Variants in TTC13 observed in about 807,000 individuals in gnomAD.
The protein encoded by TTC13 is tetratricopeptide repeat domain 13.
A neutral mutation model predicts 120.0 loss-of-function variants in TTC13; 62 were observed. The observed-to-expected ratio is 0.52, with a 90% CI of 0.42 to 0.64. The LOEUF (loss-of-function observed/expected upper bound fraction) is 0.64. Ranked by LOEUF, TTC13 falls within the 30% of genes least tolerant of loss-of-function variation. The pLI, the probability that TTC13 is intolerant of heterozygous loss-of-function variation, is 0.00. For missense variants in TTC13, 824 were observed against 1,050.2 expected (o/e 0.78, Z 2.98); for synonymous variants, 384 against 393.5 (o/e 0.98, Z 0.28).
intron 1 of TTC13, among the ~76,000 whole-genome samples, chr1:230,965,324 T>A (rs1358475238): frequency 6.6e-6 from 1 of 152,178 alleles, no homozygotes; most frequent in Non-Finnish European, 1.5e-5. Context: ...AAGATTTGAA[T>A]AGACATTTCT....
intron 17 of TTC13, among the ~76,000 whole-genome samples, chr1:230,919,325 C>T (rs1210707917): frequency 2.0e-5 from 3 of 151,956 alleles, no homozygotes; most frequent in South Asian, 2.1e-4. Context: ...AAGGTGCCAG[C>T]GTCTGATGTG....
chr1:230,947,302 G>T (rs1675091543), intron 4 of TTC13, among the ~76,000 whole-genome samples: 1 of 151,958 alleles, frequency 6.6e-6, no homozygotes, highest in South Asian at 2.1e-4. Flanking sequence ...GGGGAAAAGG[G>T]GAGCAGGAAA....
At chr1:230,951,189 T>C (rs1237466759) in intron 4 of TTC13, among the ~76,000 whole-genome samples, 2 of 152,206 alleles carry the variant, frequency 1.3e-5, no homozygotes, top group African/African-American at 2.4e-5. Context: ...AAGAGCTTTA[T>C]ATCAAAAAGT....
chr1:230,908,920 C>T (rs932795564), intron 21 of TTC13, 22 bp downstream of exon 21: 2 of 1,613,540 alleles, frequency 1.2e-6, no homozygotes, highest in Non-Finnish European at 1.7e-6. Context: ...CCAAGCATTT[C>T]TCCCTTCCCG....
intron 1 of TTC13, among the ~76,000 whole-genome samples, chr1:230,974,626 C>T (rs1158573732): frequency 2.0e-5 from 3 of 152,154 alleles, no homozygotes; most frequent in Non-Finnish European, 4.4e-5. Flanking sequence ...ATGATGAAAT[C>T]GCCTAACGAC....
chr1:230,928,967 T>C lies in TTC13; in HGVS notation c.1427A>G (p.Glu476Gly). The change falls in exon 12 of 23, where the codon GAA becomes GGA. Residue 476 changes from glutamate to glycine, a missense_variant. Transcript: ENST00000366661. ...GTGGGGTTGCAACCCTGGCTGCTCT[T>C]CGTAGTCTTCTATGAGGAAAGGCAA... ...KNLPFLIEDY[E>G]EQPGLQPHIK... The C allele has an allele frequency of 6.2e-7, 1 of 1,614,144 alleles. No homozygotes were observed. The highest frequency in any genetic ancestry group is 1.3e-5 in the African/African-American group (1 of 75,040).
chr1:230,906,977 C>T lies in TTC13; in HGVS notation c.2511G>A (p.Thr837=), dbSNP rs746463766. Residue 837 remains threonine (T), a synonymous_variant, in exon 23 of 23, where the codon ACG becomes ACA. Coordinates refer to ENST00000366661, the MANE Select transcript of TTC13 (RefSeq NM_024525.5). ...CAATCATCGATCTTAACGTTGGAAA[C>T]GTTTCTGATACTGATGGAAGAGTCT... ...SYKTLPSVSE[T]FPTLRSMIEV... is the part of the protein sequence containing the mutation. The T allele has an allele frequency of 3.4e-5, 52 of 1,541,044 alleles. 1 individual carries two copies. Among genetic ancestry groups the T allele is most frequent in the African/African-American group, 1.0e-4 (7 of 69,682 alleles).
chr1:230,920,792 G>C (rs1672509165), intron 16 of TTC13, among the ~76,000 whole-genome samples, 198 bp from the exon 17 acceptor site: 1 of 152,134 alleles, frequency 6.6e-6, no homozygotes, highest in South Asian at 2.1e-4. Flanking sequence ...TGAAAATTAA[G>C]GAAACAGCAG....
chr1:230,926,435 A>G (rs1360928311), intron 12 of TTC13, among the ~76,000 whole-genome samples: 1 of 152,220 alleles, frequency 6.6e-6, no homozygotes, highest in African/African-American at 2.4e-5. Context: ...GGCCAGGGTT[A>G]CAGACAACTT....
chr1:230,958,957 T>C (rs1348166940), intron 2 of TTC13, among the ~76,000 whole-genome samples: 1 of 152,218 alleles, frequency 6.6e-6, no homozygotes, highest in Non-Finnish European at 1.5e-5. Flanking sequence ...ATTGTGCCAC[T>C]GTACCCCCAG....
At chr1:230,909,846 T>A (rs1019366307) in intron 20 of TTC13, among the ~76,000 whole-genome samples, 2 of 152,144 alleles carry the variant, frequency 1.3e-5, no homozygotes, top group African/African-American at 4.8e-5. Flanking sequence ...GGGCAAGGTC[T>A]GCTGCCCTGT....
At chr1:230,955,715 C>T (rs774437769) in intron 3 of TTC13, among the ~76,000 whole-genome samples, 4 of 147,270 alleles carry the variant, frequency 2.7e-5, no homozygotes, top group Non-Finnish European at 6.0e-5. Context: ...GAAACAGAAA[C>T]GAAATGCAGG....
At chr1:230,924,643 A>G (rs1672895852) in intron 14 of TTC13, among the ~76,000 whole-genome samples, 198 bp downstream of exon 14, 1 of 152,198 alleles carries the variant, frequency 6.6e-6, no homozygotes, top group Admixed American at 6.5e-5. Context: ...ATCAATTCCT[A>G]TTTTGAAAAT....
intron 8 of TTC13, among the ~76,000 whole-genome samples, chr1:230,936,915 T>C (rs1674109563): frequency 6.6e-6 from 1 of 152,234 alleles, no homozygotes; most frequent in Admixed American, 6.5e-5. Flanking sequence ...ACTCCTTCTA[T>C]ACCTCATGGA....
Position 230,940,210 on chromosome 1 carries a change from C to T in TTC13, c.789+230G>A, listed in dbSNP as rs1230878623. Among the ~76,000 whole-genome samples the T allele has an allele frequency of 2.0e-5, 3 of 152,174 alleles. No individual in the cohort carries two copies. The highest frequency in any genetic ancestry group is 7.2e-5 in the African/African-American group (3 of 41,498). ...ATCTTTCTCTCTCTTTTTTTAAATG[C>T]CAGTCCAGAATTAGTTATTGCTGAC... On this transcript the variant is annotated intron_variant, in intron 7 of 22. Coordinates refer to ENST00000366661, the MANE Select transcript of TTC13 (RefSeq NM_024525.5). The surrounding 1 kb of genome is among the most constrained non-coding windows in gnomAD (Gnocchi z 4.1).
chr1:230,906,858 A>C lies in TTC13; in HGVS notation c.*47T>G. ...ATTCCATGTTTTAAAAAATAACTTA[A>C]GAAGCAAGAGGTCCGGCCCTTTACT... On this transcript the variant is annotated 3_prime_UTR_variant, in exon 23 of 23. Coordinates refer to ENST00000366661, the MANE Select transcript of TTC13 (RefSeq NM_024525.5). 1.1e-6 allele frequency: 1 copy of C among 906,276 alleles called. No homozygotes were observed. Among genetic ancestry groups the C allele is most frequent in the Non-Finnish European group, 1.6e-6 (1 of 636,144 alleles). The allele number at this position is 906,276 out of a possible 1,614,324, so 56.1% of individuals were successfully genotyped here.
chr1:230,923,318 A>G (rs1019583489), intron 15 of TTC13, among the ~76,000 whole-genome samples: 1 of 152,186 alleles, frequency 6.6e-6, no homozygotes, highest in African/African-American at 2.4e-5. Context: ...GAGCCTCTGG[A>G]CAAAACAGAA....
chr1:230,906,780 C>G lies in TTC13; in HGVS notation c.*125G>C, dbSNP rs576645737. 1 of 423,482 alleles carries G rather than the reference C, an allele frequency of 2.4e-6. No homozygotes were observed. The highest frequency in any genetic ancestry group is 3.7e-5 in the East Asian group (1 of 26,740). 26.2% of individuals were successfully genotyped at this position (423,482 alleles called of 1,614,324 possible). ...AGTAAAGAAAATGATTTCAAGTATT[C>G]AATTCCTATAAAAATTGGTATCAAA... On this transcript the variant is annotated 3_prime_UTR_variant, in exon 23 of 23. Transcript: ENST00000366661.
In TTC13 at chr1:230,925,878, T is replaced by C. The variant is rs911325105; in HGVS notation, c.1458-231A>G. On this transcript the variant is annotated intron_variant, in intron 12 of 22. Transcript: ENST00000366661. ...TGCTGGTTAGTAACAGTGAAAACTA[T>C]GATAACTAGTATGCAATTCAGAAGA... Among the ~76,000 whole-genome samples the C allele has an allele frequency of 2.0e-5, 3 of 152,194 alleles. No homozygotes were observed. The East Asian group carries it at 5.8e-4, about 29-fold the overall frequency.
Sources: gnomAD v4.1 joint callset for allele counts (sites outside exome capture counted in the v4.1 genomes callset) on GRCh38, gnomAD v4.1.1 for gene constraint, Gnocchi (gnomAD v3.1) non-coding constraint, MANE v1.5 for transcripts, NCBI Gene and HGNC (gene_info 2026-07-23, HGNC 2026-07-21) for gene names.